The following INTS4 variants were observed in gnomAD, a reference collection of about 807,000 sequenced individuals.
INTS4 encodes integrator complex subunit 4.
Under a neutral mutation model 119.5 loss-of-function variants are expected in INTS4, and 70 were observed. The ratio of observed to expected loss-of-function variants is 0.59; its 90% CI spans 0.48 to 0.71. INTS4 has a LOEUF of 0.71. INTS4 is among the 30% of genes least tolerant of loss of function. The pLI, the probability that INTS4 is intolerant of heterozygous loss-of-function variation, is 0.00. For missense variants in INTS4, 867 were observed against 1,173.2 expected (o/e 0.74, Z 3.81); for synonymous variants, 316 against 419.6 (o/e 0.75, Z 3.02).
At chr11:77,961,401 T>C (rs1398504319) in intron 4 of INTS4, among the ~76,000 whole-genome samples, 1 of 152,134 alleles carries the variant, frequency 6.6e-6, no homozygotes, top group Non-Finnish European at 1.5e-5. Flanking sequence ...CAAAGGCACT[T>C]TGCCTTGTAC....
At chr11:77,955,553 C>T (rs779655806) in intron 8 of INTS4, among the ~76,000 whole-genome samples, 28 of 150,492 alleles carry the variant, frequency 1.9e-4, no homozygotes, top group Non-Finnish European at 2.2e-4. Context: ...TGGAGTGCAG[C>T]AGCGTGATCT....
At chr11:77,986,170 G>A (rs759773775) in intron 2 of INTS4, among the ~76,000 whole-genome samples, 1 of 152,150 alleles carries the variant, frequency 6.6e-6, no homozygotes, top group South Asian at 2.1e-4. Flanking sequence ...TTTGCTTTTA[G>A]ACATGACAAA....
intron 21 of INTS4, among the ~76,000 whole-genome samples, chr11:77,888,285 C>T (rs908273417): frequency 6.6e-6 from 1 of 152,194 alleles, no homozygotes; most frequent in African/African-American, 2.4e-5. Flanking sequence ...CTACAACCAT[C>T]TGATCTTTGA....
chr11:77,966,046 T>G (rs1215595261), intron 4 of INTS4, among the ~76,000 whole-genome samples: 2 of 152,222 alleles, frequency 1.3e-5, no homozygotes, highest in Non-Finnish European at 2.9e-5. Flanking sequence ...TCACTTAATT[T>G]GCATTTTCCC....
At chr11:77,991,034 G>C (rs903089178) in intron 2 of INTS4, 74 bp downstream of exon 2, 2 of 1,290,900 alleles carry the variant, frequency 1.5e-6, no homozygotes, top group South Asian at 2.6e-5. Context: ...CTATTTATTT[G>C]TAATATTAAC....
intron 15 of INTS4, among the ~76,000 whole-genome samples, chr11:77,916,935 G>C (rs1953217368): frequency 1.3e-5 from 2 of 152,162 alleles, no homozygotes; most frequent in African/African-American, 4.8e-5. Flanking sequence ...TGGCTTATTA[G>C]AATAAACAAA....
At chr11:77,943,332 A>T (rs2136533329) in intron 8 of INTS4, among the ~76,000 whole-genome samples, 1 of 152,324 alleles carries the variant, frequency 6.6e-6, no homozygotes, top group African/African-American at 2.4e-5. Context: ...AGAGTCCTAT[A>T]GCATAGTAAT....
chr11:77,933,505 C>T (rs544594199), intron 10 of INTS4, among the ~76,000 whole-genome samples: 3 of 152,334 alleles, frequency 2.0e-5, no homozygotes, highest in African/African-American at 7.2e-5. Context: ...GGATTGCAGA[C>T]GGAGTCTCGC....
Position 77,890,271 on chromosome 11 carries a change from C to T in INTS4, c.2592+1048G>A, listed in dbSNP as rs113762123. On this transcript the variant is annotated intron_variant, in intron 21 of 22. Coordinates refer to ENST00000534064, the MANE Select transcript of INTS4 (RefSeq NM_033547.4). ...TGCTTGGAAGCCAGAAGGCCTGTTC[C>T]TCTATTGTCACCATAGCCAAAAAGC... 1.6e-3 allele frequency among the ~76,000 whole-genome samples: 243 copies of T among 152,316 alleles called. 2 individuals are homozygous for T. Among genetic ancestry groups the T allele is most frequent in the African/African-American group, 5.6e-3 (234 of 41,566 alleles).
intron 8 of INTS4, among the ~76,000 whole-genome samples, chr11:77,941,458 C>CT (rs35544689): frequency 0.54 from 74,932 of 138,300 alleles, 21,093 homozygotes; most frequent in African/African-American, 0.7. Flanking sequence ...ACCTACTGTG[C>CT]TTTTTTTTTT....
chr11:77,892,178 C>G (rs1202095650), intron 19 of INTS4, among the ~76,000 whole-genome samples: 1 of 152,134 alleles, frequency 6.6e-6, no homozygotes, highest in African/African-American at 2.4e-5. Flanking sequence ...TTAAGACCTA[C>G]GAAGCGCCAA....
intron 3 of INTS4, among the ~76,000 whole-genome samples, chr11:77,980,962 C>T (rs1401275508): frequency 6.6e-6 from 1 of 151,700 alleles, no homozygotes; most frequent in Admixed American, 6.6e-5. Context: ...CACTGCACTC[C>T]AGCCTGGGAG....
chr11:77,981,032 T>G (rs935299628), intron 3 of INTS4, among the ~76,000 whole-genome samples: 1 of 151,954 alleles, frequency 6.6e-6, no homozygotes, highest in Non-Finnish European at 1.5e-5. Flanking sequence ...TACTGTATGT[T>G]CAGTTACAGG....
chr11:77,985,203 A>G (rs1222852309), intron 2 of INTS4, among the ~76,000 whole-genome samples: 1 of 152,080 alleles, frequency 6.6e-6, no homozygotes, highest in Non-Finnish European at 1.5e-5. Flanking sequence ...AGTCCATCCA[A>G]TTCCTTTATC....
In INTS4 at chr11:77,907,749, T is replaced by C; in HGVS notation, c.1984A>G (p.Thr662Ala). The change falls in exon 16 of 23, where the codon ACC (threonine) becomes GCC (alanine). Residue 662 changes from threonine (T) to alanine (A), a missense_variant. Physicochemically the swap from Thr to Ala is moderately conservative, Grantham distance 58. This residue lies in a region of INTS4 where 262 missense variants were observed against 376.0 expected (regional missense o/e 0.70). Coordinates refer to ENST00000534064, the MANE Select transcript of INTS4 (RefSeq NM_033547.4). ...ELAGVADFSATYLRCQLLLIK... is the reference protein window; with the variant it reads ...ELAGVADFSAAYLRCQLLLIK... Reference sequence around the variant, plus strand: ...AGAAGTAGTTGACAGCGAAGATAGGTGGCAGAGAAATCAGCTACTCCTGCC... The same window carrying C: ...AGAAGTAGTTGACAGCGAAGATAGGCGGCAGAGAAATCAGCTACTCCTGCC... The C allele has an allele frequency of 2.5e-6, 4 of 1,613,810 alleles. No individual in the cohort carries two copies. Among genetic ancestry groups the C allele is most frequent in the Non-Finnish European group, 3.4e-6 (4 of 1,179,812 alleles).
intron 8 of INTS4, among the ~76,000 whole-genome samples, chr11:77,948,002 C>G (rs559214496): frequency 3.9e-5 from 6 of 152,190 alleles, no homozygotes; most frequent in African/African-American, 1.4e-4. Flanking sequence ...TGCCACCATG[C>G]CCAGCTGATT....
intron 21 of INTS4, among the ~76,000 whole-genome samples, chr11:77,887,530 C>G (rs983001066): frequency 6.6e-6 from 1 of 152,142 alleles, no homozygotes; most frequent in Non-Finnish European, 1.5e-5. Flanking sequence ...GATGCCCTCT[C>G]TCAGCACTCC....
intron 10 of INTS4, among the ~76,000 whole-genome samples, chr11:77,931,217 TTC>T (rs1277011454): frequency 1.3e-5 from 2 of 152,170 alleles, no homozygotes; most frequent in African/African-American, 4.8e-5. Context: ...AAAAAGACCT[TTC>T]TAGAAGAAAA....
At chr11:77,911,229 T>C (rs539880439) in intron 15 of INTS4, 2 of 1,023,034 alleles carry the variant, frequency 2.0e-6, no homozygotes, top group East Asian at 7.7e-5. Context: ...TTCTTATTCG[T>C]TTGGGTTGCT....
Sources: gnomAD v4.1 joint callset for allele counts (sites outside exome capture counted in the v4.1 genomes callset) on GRCh38, gnomAD v4.1.1 for gene constraint, gnomAD v4.1.1 regional missense constraint, MANE v1.5 for transcripts, NCBI Gene and HGNC (gene_info 2026-07-23, HGNC 2026-07-21) for gene names.